The following NCKAP5 variants were observed in gnomAD, a reference collection of about 807,000 sequenced individuals.
NCKAP5 encodes the protein nck-associated protein 5.
A neutral mutation model predicts 167.0 loss-of-function variants in NCKAP5; 92 were observed. The ratio of observed to expected loss-of-function variants is 0.55; its 90% CI spans 0.47 to 0.66. NCKAP5 has a LOEUF of 0.66. Ranked by LOEUF, NCKAP5 falls within the 30% of genes least tolerant of loss-of-function variation. The pLI, the probability that NCKAP5 is intolerant of heterozygous loss-of-function variation, is 0.00. For missense variants in NCKAP5, 2,378 were observed against 2,315.0 expected, an observed-to-expected ratio of 1.03 and a Z score of -0.56; for synonymous variants, 891 against 877.4, an observed-to-expected ratio of 1.02 and a Z score of -0.27.
At chr2:133,611,012 TG>T in the NCKAP5 span, among the ~76,000 whole-genome samples, 1 of 152,168 alleles carries the variant, frequency 6.6e-6, no homozygotes, top group Non-Finnish European at 1.5e-5. Flanking sequence ...TCAGGGGTTT[TG>T]GGGGCTTTTG....
chr2:133,469,960 C>T (rs1407306371), intron 3 of NCKAP5, among the ~76,000 whole-genome samples: 2 of 151,282 alleles, frequency 1.3e-5, no homozygotes, highest in East Asian at 2.0e-4. Flanking sequence ...GTTTGAATGT[C>T]CTCCTGTAGC....
chr2:133,437,553 C>T (rs1690569025), intron 3 of NCKAP5, among the ~76,000 whole-genome samples: 1 of 152,080 alleles, frequency 6.6e-6, no homozygotes, highest in African/African-American at 2.4e-5. Context: ...ACTTTTTGTA[C>T]TTTTGTGTTT....
intron 3 of NCKAP5, among the ~76,000 whole-genome samples, chr2:133,353,563 G>C (rs931153305): frequency 6.6e-6 from 1 of 152,160 alleles, no homozygotes; most frequent in African/African-American, 2.4e-5. Flanking sequence ...ATGGCCCTAA[G>C]TGGGAACAGG....
the NCKAP5 span, among the ~76,000 whole-genome samples, chr2:133,651,911 T>C: frequency 6.6e-6 from 1 of 152,240 alleles, no homozygotes; most frequent in Admixed American, 6.5e-5. Context: ...TGAATTTACA[T>C]GCTCTTCAAA....
chr2:133,078,708 C>G (rs2080699636), intron 6 of NCKAP5, among the ~76,000 whole-genome samples: 1 of 152,148 alleles, frequency 6.6e-6, no homozygotes, highest in Non-Finnish European at 1.5e-5. Flanking sequence ...CTCTTTACAA[C>G]TCCCTTTCCC....
At chr2:133,243,720 C>A (rs746774098) in intron 4 of NCKAP5, among the ~76,000 whole-genome samples, 1 of 152,208 alleles carries the variant, frequency 6.6e-6, no homozygotes, top group Admixed American at 6.5e-5. Flanking sequence ...GTACTTCTAA[C>A]TAAGGCTGCG....
At chr2:133,299,222 T>C (rs1680181440) in intron 4 of NCKAP5, among the ~76,000 whole-genome samples, 1 of 152,092 alleles carries the variant, frequency 6.6e-6, no homozygotes, top group Admixed American at 6.6e-5. Flanking sequence ...ATATAACAAA[T>C]TAAAACATAT....
chr2:133,547,577 C>A (rs12475809), intron 2 of NCKAP5, among the ~76,000 whole-genome samples: 25,319 of 150,558 alleles, frequency 0.17, 2,392 homozygotes, highest in East Asian at 0.55. Flanking sequence ...ACCCCTGACC[C>A]CCGAGCAGCC....
At chr2:133,211,773 G>A (rs35136356) in intron 5 of NCKAP5, among the ~76,000 whole-genome samples, 62,235 of 152,008 alleles carry the variant, frequency 0.41, 14,292 homozygotes, top group Non-Finnish European at 0.51. Context: ...ATTAAAATTA[G>A]AATAATGAAA....
rs572472755 is a variant in NCKAP5, at chr2:133,533,029, G to T, written c.-61-15442C>A. ...TGTGGCTCTTTTGATCAAAGAATGT[G>T]GTAATAGTGACAATGAGTTCTGAAT... is the stretch of plus-strand genomic sequence containing the variant. On this transcript the variant is annotated intron_variant, in intron 2 of 19. Transcript: ENST00000409261. Among the ~76,000 whole-genome samples, 44 of 152,098 alleles carry T rather than the reference G, an allele frequency of 2.9e-4. 1 individual carries two copies. The highest frequency in any genetic ancestry group is 1.1e-3 in the African/African-American group (44 of 41,424).
At chr2:133,572,608 G>C (rs1335341036), upstream of NCKAP5, among the ~76,000 whole-genome samples, 1 of 152,200 alleles carries the variant, frequency 6.6e-6, no homozygotes, top group African/African-American at 2.4e-5. Context: ...CTTTAGTAAT[G>C]AGTATTGTCT....
At chr2:133,219,729 T>G (rs2086580073) in intron 4 of NCKAP5, among the ~76,000 whole-genome samples, 1 of 152,220 alleles carries the variant, frequency 6.6e-6, no homozygotes, top group Non-Finnish European at 1.5e-5. Context: ...AATTTGTATT[T>G]TATTTTTGCA....
intron 3 of NCKAP5, among the ~76,000 whole-genome samples, chr2:133,411,782 C>T (rs1466915963): frequency 6.6e-6 from 1 of 152,166 alleles, no homozygotes; most frequent in African/African-American, 2.4e-5. Context: ...TGTGGAAATG[C>T]AGAAAGGAAG....
At position 132,785,635 on chromosome 2, in the gene NCKAP5, A is replaced by C. The variant is rs753457695; in HGVS notation, c.1176T>G (p.Pro392=). The C allele has an allele frequency of 4.6e-5, 71 of 1,538,622 alleles. No individual in the cohort carries two copies. In the East Asian group the frequency reaches 1.6e-3, roughly 34 times the overall value. ...SGFASPTNEL[P]PTRIKESHIL... Reference sequence around the variant, plus strand: ...TGTGGCTTTCCTTGATACGAGTTGGAGGTAGTTCATTTGTAGGACTAGCAA... The same window carrying C: ...TGTGGCTTTCCTTGATACGAGTTGGCGGTAGTTCATTTGTAGGACTAGCAA... The change falls in exon 14 of 20, where the codon CCT becomes CCG. Residue 392 remains proline (P), a synonymous_variant. Transcript: ENST00000409261.
intron 8 of NCKAP5, among the ~76,000 whole-genome samples, chr2:132,904,777 G>A (rs1227988053): frequency 6.6e-6 from 1 of 152,110 alleles, no homozygotes; most frequent in East Asian, 1.9e-4. Context: ...ATTAGCTAAT[G>A]GTATTTTCTA....
intron 7 of NCKAP5, among the ~76,000 whole-genome samples, chr2:132,980,516 T>C (rs189524438): frequency 7.2e-5 from 11 of 152,282 alleles, no homozygotes; most frequent in Admixed American, 6.5e-5. Flanking sequence ...TTGCAAGATA[T>C]GGGACTTGGA....
intron 4 of NCKAP5, among the ~76,000 whole-genome samples, chr2:133,250,026 T>TTATTATTATTATTAC (rs2088227866): frequency 6.8e-6 from 1 of 147,992 alleles, no homozygotes; most frequent in Non-Finnish European, 1.5e-5. Flanking sequence ...ATTATTATTA[T>TTATTATTATTATTAC]TATTATTATT....
intron 8 of NCKAP5, among the ~76,000 whole-genome samples, chr2:132,889,895 G>A (rs1224229679): frequency 6.6e-6 from 1 of 152,136 alleles, no homozygotes; most frequent in Non-Finnish European, 1.5e-5. Flanking sequence ...AGGTAGAAAT[G>A]AACAGGGTTG....
intron 8 of NCKAP5, among the ~76,000 whole-genome samples, chr2:132,940,037 C>T (rs994366587): frequency 5.3e-5 from 8 of 152,008 alleles, no homozygotes; most frequent in African/African-American, 1.5e-4. Context: ...ATCCCTCACC[C>T]GCATCCCAAC....
Sources: gnomAD v4.1 joint callset for allele counts (sites outside exome capture counted in the v4.1 genomes callset) on GRCh38, gnomAD v4.1.1 for gene constraint, MANE v1.5 for transcripts, NCBI Gene and HGNC (gene_info 2026-07-23, HGNC 2026-07-21) for gene names.